The following NFATC2 variants were observed in gnomAD, a reference collection of about 807,000 sequenced individuals.
The protein encoded by NFATC2 is nuclear factor of activated T-cells, cytoplasmic 2.
Under a neutral mutation model 87.3 loss-of-function variants are expected in NFATC2, and 22 were observed. The ratio of observed to expected loss-of-function variants is 0.25; its 90% CI spans 0.18 to 0.36. The LOEUF (loss-of-function observed/expected upper bound fraction) is 0.36. Ranked by LOEUF, NFATC2 falls within the 10% of genes least tolerant of loss-of-function variation. The probability of loss-of-function intolerance (pLI) is 1.00; values close to 1 mark genes in which losing one functional copy is unlikely to be tolerated. For synonymous variants in NFATC2, 565 were observed against 542.2 expected (o/e 1.04, Z -0.58); for missense variants, 1,149 against 1,259.1 (o/e 0.91, Z 1.32).
intron 3 of NFATC2, among the ~76,000 whole-genome samples, chr20:51,508,441 G>A (rs1454617096): frequency 6.6e-6 from 1 of 152,122 alleles, no homozygotes; most frequent in South Asian, 2.1e-4. Flanking sequence ...ACTGGCCCAC[G>A]GGTGTACCTG....
At chr20:51,532,519 C>T (rs2076651025) in intron 1 of NFATC2, among the ~76,000 whole-genome samples, 1 of 152,174 alleles carries the variant, frequency 6.6e-6, no homozygotes, top group African/African-American at 2.4e-5. Flanking sequence ...TGTTCACAGT[C>T]TCTCCTTTTG....
At chr20:51,522,672 C>A (rs2076467770) in intron 2 of NFATC2, among the ~76,000 whole-genome samples, 1 of 151,674 alleles carries the variant, frequency 6.6e-6, no homozygotes, top group African/African-American at 2.4e-5. Flanking sequence ...CATATTAAGG[C>A]TTGCTTTGTG....
Position 51,432,584 on chromosome 20 carries a change from G to C in NFATC2, c.2205C>G (p.Leu735=). The C allele has an allele frequency of 6.5e-7, 1 of 1,532,780 alleles. No individual in the cohort carries two copies. Among genetic ancestry groups the C allele is most frequent in the South Asian group, 1.3e-5 (1 of 77,606 alleles). 94.9% of individuals were successfully genotyped at this position (1,532,780 alleles called of 1,614,324 possible). Residue 735 remains leucine, a synonymous_variant, in exon 9 of 11, where the codon CTC becomes CTG. Transcript: ENST00000371564. The surrounding 1 kb of genome is among the most constrained non-coding windows in gnomAD (Gnocchi z 4.6). The part of the protein sequence containing the change: ...MAPCQQFRTG[L]SSPDARYQQQ... ...GCTGGTAGCGGGCGTCAGGGGATGAGAGCCCCGTGCGGAACTGCTGGCAGG... is the reference window on the plus strand; with the variant it reads ...GCTGGTAGCGGGCGTCAGGGGATGACAGCCCCGTGCGGAACTGCTGGCAGG...
upstream of NFATC2, among the ~76,000 whole-genome samples, chr20:51,545,917 T>C (rs913806642): frequency 1.3e-5 from 2 of 151,924 alleles, no homozygotes; most frequent in Non-Finnish European, 2.9e-5. Flanking sequence ...AATGGAAGAG[T>C]AGATGTTTGC....
chr20:51,548,939 G>A (rs997041085), intron 1 of NFATC2, among the ~76,000 whole-genome samples: 1 of 152,196 alleles, frequency 6.6e-6, no homozygotes, highest in African/African-American at 2.4e-5. Flanking sequence ...ATTATTTGTA[G>A]AGAAATAACA....
intron 4 of NFATC2, among the ~76,000 whole-genome samples, chr20:51,474,544 G>C (rs1988529303): frequency 6.6e-6 from 1 of 152,174 alleles, no homozygotes; most frequent in African/African-American, 2.4e-5. Context: ...AATGCATCCT[G>C]AAGTATTTAA....
rs2076422349 is a variant in NFATC2, at chr20:51,520,256, A to G, written c.1160+2825T>C. 2.0e-5 allele frequency among the ~76,000 whole-genome samples: 3 copies of G among 152,210 alleles called. No homozygotes were observed. The South Asian group carries it at 6.2e-4, about 32-fold the overall frequency. ...GTCCCTCCCTATTCTCAACCACTAAATAAAATCATGGTTTGGAGACTGACC... is the reference window on the plus strand; with the variant it reads ...GTCCCTCCCTATTCTCAACCACTAAGTAAAATCATGGTTTGGAGACTGACC... On this transcript the variant is annotated intron_variant, in intron 2 of 10. Transcript: ENST00000371564.
At chr20:51,423,549 A>G (rs6067766) in intron 9 of NFATC2, among the ~76,000 whole-genome samples, 119,688 of 152,116 alleles carry the variant, frequency 0.79, 48,816 homozygotes, top group Non-Finnish European at 0.89. Flanking sequence ...AAAATTGGTT[A>G]TGATGCTGAC....
At chr20:51,415,698 A>T (rs1414658653) in intron 9 of NFATC2, among the ~76,000 whole-genome samples, 1 of 152,184 alleles carries the variant, frequency 6.6e-6, no homozygotes, top group Non-Finnish European at 1.5e-5. Flanking sequence ...CATTTCACCA[A>T]ATTGCCCTTC....
intron 9 of NFATC2, among the ~76,000 whole-genome samples, chr20:51,425,442 G>A (rs993477525): frequency 6.6e-6 from 1 of 152,200 alleles, no homozygotes; most frequent in African/African-American, 2.4e-5. Flanking sequence ...CAGCCTCTGG[G>A]CCACTTGGCT....
upstream of NFATC2, among the ~76,000 whole-genome samples, chr20:51,543,552 AGG>A (rs1194687248): frequency 2.6e-5 from 4 of 152,142 alleles, no homozygotes; most frequent in Non-Finnish European, 4.4e-5. Flanking sequence ...CAGAGCTCGA[AGG>A]GGCTGGGTGT....
At position 51,523,596 on chromosome 20, in the gene NFATC2, T is replaced by G; in HGVS notation, c.645A>C (p.Arg215Ser). The stretch of plus-strand genomic sequence containing the variant: ...TTCGAGGTGACATTATTGGCGAGGT[T>G]CTGGGGGAATAATGAGCAGGGATGT... ...FQNIPAHYSPRTSPIMSPRTS... is the reference protein window; with the variant it reads ...FQNIPAHYSPSTSPIMSPRTS... Residue 215 changes from arginine (R) to serine (S), a missense_variant, in exon 2 of 11, where the codon AGA (arginine) becomes AGC (serine). By Grantham distance (110) the Arg-to-Ser change is moderately radical. Coordinates refer to ENST00000371564, the MANE Select transcript of NFATC2 (RefSeq NM_012340.5). This position sits in a 1 kb window ranked among gnomAD's most constrained non-coding sequence, Gnocchi z 6.9. The G allele has an allele frequency of 6.2e-7, 1 of 1,613,756 alleles. No homozygotes were observed. The highest frequency in any genetic ancestry group is 8.5e-7 in the Non-Finnish European group (1 of 1,179,814).
chr20:51,476,751 A>G (rs951644740), intron 3 of NFATC2, among the ~76,000 whole-genome samples: 2 of 152,352 alleles, frequency 1.3e-5, no homozygotes, highest in South Asian at 4.1e-4. Context: ...CAACAGAAAA[A>G]AAGTGAGTAA....
chr20:51,449,417 C>T (rs1402429611), intron 6 of NFATC2, among the ~76,000 whole-genome samples: 3 of 152,134 alleles, frequency 2.0e-5, no homozygotes, highest in African/African-American at 4.8e-5. Flanking sequence ...CTAACACCCC[C>T]GATTGTCTCT....
At chr20:51,558,533 G>A (rs936502068) in intron 1 of NFATC2, among the ~76,000 whole-genome samples, 1 of 151,992 alleles carries the variant, frequency 6.6e-6, no homozygotes, top group African/African-American at 2.4e-5. Flanking sequence ...CAATAGTAAT[G>A]ACCGCAATTA....
At chr20:51,392,069 T>C (rs1420871481) in intron 10 of NFATC2, among the ~76,000 whole-genome samples, 1 of 152,240 alleles carries the variant, frequency 6.6e-6, no homozygotes, top group Non-Finnish European at 1.5e-5. Flanking sequence ...TTTGATGTCA[T>C]GCTTGAGGCT....
chr20:51,556,817 T>G (rs909630852), intron 1 of NFATC2, among the ~76,000 whole-genome samples: 1 of 152,078 alleles, frequency 6.6e-6, no homozygotes, highest in African/African-American at 2.4e-5. Flanking sequence ...CAGCTGGGCT[T>G]CAGCCACCCA....
At chr20:51,550,540 G>A (rs1258785811) in intron 1 of NFATC2, among the ~76,000 whole-genome samples, 2 of 152,066 alleles carry the variant, frequency 1.3e-5, no homozygotes, top group Non-Finnish European at 2.9e-5. Flanking sequence ...GCAGTGAGCC[G>A]AGATTGCGCC....
intron 3 of NFATC2, among the ~76,000 whole-genome samples, chr20:51,486,278 C>T (rs1012976258): frequency 2.0e-5 from 3 of 152,160 alleles, no homozygotes; most frequent in Non-Finnish European, 4.4e-5. Flanking sequence ...GATCAGACCC[C>T]CGCCCATATC....
Sources: allele counts gnomAD v4.1 joint callset (sites outside exome capture counted in the v4.1 genomes callset), GRCh38; gene constraint gnomAD v4.1.1; non-coding constraint Gnocchi (gnomAD v3.1); transcripts MANE v1.5; gene names NCBI Gene and HGNC (gene_info 2026-07-23, HGNC 2026-07-21).